Variants in HLA-DPB1 observed in about 807,000 individuals in gnomAD.
HLA-DPB1 encodes HLA class II histocompatibility antigen, DP beta 1 chain.
HLA-DPB1 carries 30 observed loss-of-function variants against 29.4 expected under a neutral mutation model. The observed-to-expected ratio is 1.02, with a 90% CI of 0.76 to 1.38. The LOEUF (loss-of-function observed/expected upper bound fraction) is 1.38. HLA-DPB1 is among the 40% of genes most tolerant of loss of function. The pLI is 0.00. For missense variants in HLA-DPB1, 261 were observed against 327.5 expected (o/e 0.80, Z 1.57); for synonymous variants, 114 against 134.0 (o/e 0.85, Z 1.03).
chr6:33,085,128 C>G lies in HLA-DPB1; in HGVS notation c.543C>G (p.Thr181=). The change falls in exon 3 of 6, where the codon ACC becomes ACG. Residue 181 remains threonine (T), a synonymous_variant. Coordinates refer to ENST00000418931, the MANE Select transcript of HLA-DPB1 (RefSeq NM_002121.6). ...ACCTGATCCGTAATGGAGACTGGAC[C>G]TTCCAGATCCTGGTGATGCTGGAAA... The part of the protein sequence containing the change: ...STNLIRNGDW[T]FQILVMLEMT... The G allele has an allele frequency of 2.5e-6, 4 of 1,613,900 alleles. No individual in the cohort carries two copies. The highest frequency in any genetic ancestry group is 3.4e-6 in the Non-Finnish European group (4 of 1,179,948).
chr6:33,085,684 C>G, intron 3 of HLA-DPB1, 95 bp from the exon 4 acceptor site: 1 of 874,086 alleles, frequency 1.1e-6, no homozygotes. Flanking sequence ...TGTCCTCATC[C>G]CGATATGCTG....
intron 2 of HLA-DPB1, chr6:33,084,109 G>A (rs1374944561): frequency 7.8e-6 from 1 of 127,410 alleles, no homozygotes; most frequent in Non-Finnish European, 1.6e-5. Flanking sequence ...CATTTTCTTT[G>A]TATTTTCATG....
chr6:33,089,307 T>C lies in HLA-DPB1; in HGVS notation c.*2773T>C, dbSNP rs1207740786. On this transcript the variant is annotated 3_prime_UTR_variant, in exon 6 of 6. Coordinates refer to ENST00000418931, the MANE Select transcript of HLA-DPB1 (RefSeq NM_002121.6). ...TCTCTCAGCTTCTCTGAAGTCTCAT[T>C]GAGCACCTTCTCTTCAATTTCTTTT... is the stretch of plus-strand genomic sequence containing the variant. 6.6e-6 allele frequency among the ~76,000 whole-genome samples: 1 copy of C among 152,206 alleles called. No individual in the cohort carries two copies. Among genetic ancestry groups the C allele is most frequent in the East Asian group, 1.9e-4 (1 of 5,198 alleles).
chr6:33,084,926 A>G (rs777665785), intron 2 of HLA-DPB1, 24 bp from the exon 3 acceptor site: 3 of 1,423,766 alleles, frequency 2.1e-6, no homozygotes, highest in Non-Finnish European at 2.9e-6. Flanking sequence ...ATTCTATTTC[A>G]TTATTTTTCT....
rs561021327 is a variant in HLA-DPB1, at chr6:33,082,892, G to GC, written c.364+1958dup. Among the ~76,000 whole-genome samples the GC allele has an allele frequency of 2.9e-3, 441 of 152,280 alleles. 1 individual carries two copies. The highest frequency in any genetic ancestry group is 9.1e-3 in the African/African-American group (378 of 41,536). Reference sequence around the variant, plus strand: ...TTGGGTATCAGGCCTTAACTCCAGCGCACCCTGGAGGTCACTGATGTGGCT... The same window carrying GC: ...TTGGGTATCAGGCCTTAACTCCAGCGCCACCCTGGAGGTCACTGATGTGGCT... On this transcript the variant is annotated intron_variant, in intron 2 of 5. Coordinates refer to ENST00000418931, the MANE Select transcript of HLA-DPB1 (RefSeq NM_002121.6).
chr6:33,083,791 A>G (rs2150376233), intron 2 of HLA-DPB1: 1 of 152,312 alleles, frequency 6.6e-6, no homozygotes, highest in African/African-American at 2.4e-5. Flanking sequence ...TGAGGAGGAA[A>G]AAGGTACTGG....
At chr6:33,085,426 G>A (rs1381086123) in intron 3 of HLA-DPB1, among the ~76,000 whole-genome samples, 195 bp downstream of exon 3, 1 of 152,190 alleles carries the variant, frequency 6.6e-6, no homozygotes, top group Non-Finnish European at 1.5e-5. Flanking sequence ...AGGGGTTCCT[G>A]AAGATTCATA....
At position 33,080,588 on chromosome 6, in the gene HLA-DPB1, A is replaced by C. The variant is rs1762784967; in HGVS notation, c.101-84A>C. The C allele has an allele frequency of 6.3e-7, 1 of 1,586,526 alleles. No individual in the cohort carries two copies. The highest frequency in any genetic ancestry group is 8.6e-7 in the Non-Finnish European group (1 of 1,157,430). On this transcript the variant is annotated intron_variant, in intron 1 of 5. Transcript: ENST00000418931. This position sits in a 1 kb window ranked among gnomAD's most constrained non-coding sequence, Gnocchi z 4.3. ...CAGCCCTGGGTGGGAAGATTTGGGA[A>C]GAATCGTTAATATTGAGAGAGAGAG...
In HLA-DPB1 at chr6:33,085,068, T is replaced by C. The variant is rs760040959; in HGVS notation, c.483T>C (p.Asn161=). ...GCATTCAAGTCCGATGGTTCCTGAATGGACAGGAGGAAACAGCTGGGGTCG... is the reference window on the plus strand; with the variant it reads ...GCATTCAAGTCCGATGGTTCCTGAACGGACAGGAGGAAACAGCTGGGGTCG... The part of the protein sequence containing the change: ...PGSIQVRWFL[N]GQEETAGVVS... The change falls in exon 3 of 6, where the codon AAT becomes AAC. Residue 161 remains asparagine (N), a synonymous_variant. Coordinates refer to ENST00000418931, the MANE Select transcript of HLA-DPB1 (RefSeq NM_002121.6). 1 of 1,613,796 alleles carries C rather than the reference T, an allele frequency of 6.2e-7. No homozygotes were observed.
At chr6:33,086,117 A>C in intron 4 of HLA-DPB1, 102 bp from the exon 5 acceptor site, 1 of 1,107,452 alleles carries the variant, frequency 9.0e-7, no homozygotes. Context: ...CGGAGCGTCC[A>C]TTGAGTGATG....
At position 33,080,349 on chromosome 6, in the gene HLA-DPB1, C is replaced by CCGT. The variant is rs1214071628; in HGVS notation, c.101-322_101-321insGTC. On this transcript the variant is annotated intron_variant, in intron 1 of 5. Coordinates refer to ENST00000418931, the MANE Select transcript of HLA-DPB1 (RefSeq NM_002121.6). The surrounding 1 kb of genome is among the most constrained non-coding windows in gnomAD (Gnocchi z 4.3). ...CCGCCCCTGTTTTTTCTCCCAGTGACCCCACGTGAAACGTCTCCGCCTCCT... is the reference window on the plus strand; with the variant it reads ...CCGCCCCTGTTTTTTCTCCCAGTGACCGTCCCACGTGAAACGTCTCCGCCTCCT... The CCGT allele has an allele frequency of 1.9e-6, 1 of 540,172 alleles. No individual in the cohort carries two copies. The highest frequency in any genetic ancestry group is 3.6e-6 in the Non-Finnish European group (1 of 275,982). 33.5% of individuals were successfully genotyped at this position (540,172 alleles called of 1,614,324 possible). A position where few individuals can be genotyped will look rare whatever the true frequency, so the allele number is the denominator to read the frequency against.
At chr6:33,086,121 A>C in intron 4 of HLA-DPB1, 98 bp from the exon 5 acceptor site, 1 of 1,114,812 alleles carries the variant, frequency 9.0e-7, no homozygotes, top group Non-Finnish European at 1.4e-6. Flanking sequence ...GCGTCCATTG[A>C]GTGATGGGCA....
In HLA-DPB1 at chr6:33,088,476, T is replaced by A. The variant is rs3128968; in HGVS notation, c.*1942T>A. 0.25 allele frequency among the ~76,000 whole-genome samples: 38,301 copies of A among 151,886 alleles called. 5,238 individuals carry two copies. The highest frequency in any genetic ancestry group is 0.63 in the East Asian group (3,225 of 5,142). Reference sequence around the variant, plus strand: ...ACTGAGGGTGTCAGGAGATGAGGAATGTCCCTGGAGTCACAGAAAGAAGGT... The same window carrying A: ...ACTGAGGGTGTCAGGAGATGAGGAAAGTCCCTGGAGTCACAGAAAGAAGGT... On this transcript the variant is annotated 3_prime_UTR_variant, in exon 6 of 6. Transcript: ENST00000418931.
intron 2 of HLA-DPB1, 117 bp downstream of exon 2, chr6:33,081,052 G>T: frequency 2.4e-6 from 3 of 1,229,830 alleles, no homozygotes; most frequent in Non-Finnish European, 2.2e-6. Context: ...GGGGACTTTG[G>T]GTTGGGGATT....
chr6:33,085,272 C>T, intron 3 of HLA-DPB1, 41 bp downstream of exon 3: 1 of 1,506,352 alleles, frequency 6.6e-7, no homozygotes, highest in South Asian at 1.2e-5. Flanking sequence ...CTCTGAAGAG[C>T]AGGGGACTCT....
chr6:33,086,170 T>C (rs1372597318), intron 4 of HLA-DPB1, 49 bp from the exon 5 acceptor site: 1 of 1,449,586 alleles, frequency 6.9e-7, no homozygotes, highest in South Asian at 1.1e-5. Flanking sequence ...TCTAATTATC[T>C]GAGGTGGTTT....
intron 1 of HLA-DPB1, among the ~76,000 whole-genome samples, chr6:33,078,075 G>A (rs1762641132): frequency 6.6e-6 from 1 of 152,080 alleles, no homozygotes; most frequent in Admixed American, 6.5e-5. Context: ...CCATCCCATA[G>A]GCAGAGCTGT....
intron 2 of HLA-DPB1, among the ~76,000 whole-genome samples, chr6:33,084,729 G>A (rs897576978): frequency 6.6e-6 from 1 of 152,014 alleles, no homozygotes; most frequent in African/African-American, 2.4e-5. Flanking sequence ...AAGCCCGGAG[G>A]TGGAGGTTGC....
Position 33,084,985 on chromosome 6 carries a change from G to A in HLA-DPB1, c.400G>A (p.Gly134Arg). 1.2e-6 allele frequency: 2 copies of A among 1,604,298 alleles called. No individual in the cohort carries two copies. The highest frequency in any genetic ancestry group is 1.7e-5 in the Admixed American group (1 of 60,000). Residue 134 changes from glycine to arginine, a missense_variant, in exon 3 of 6, where the codon GGG becomes AGG. Coordinates refer to ENST00000418931, the MANE Select transcript of HLA-DPB1 (RefSeq NM_002121.6). ...PRVNVSPSKK[G>R]PLQHHNLLVC... Reference sequence around the variant, plus strand: ...GGTGAATGTTTCCCCCTCCAAGAAGGGGCCCTTGCAGCACCACAACCTGCT... The same window carrying A: ...GGTGAATGTTTCCCCCTCCAAGAAGAGGCCCTTGCAGCACCACAACCTGCT...
Sources: gnomAD v4.1 joint callset for allele counts (sites outside exome capture counted in the v4.1 genomes callset) on GRCh38, gnomAD v4.1.1 for gene constraint, Gnocchi (gnomAD v3.1) non-coding constraint, MANE v1.5 for transcripts, NCBI Gene and HGNC (gene_info 2026-07-23, HGNC 2026-07-21) for gene names.